The following CHN1 variants were observed in gnomAD, a reference collection of about 807,000 sequenced individuals.
The protein encoded by CHN1 is N-chimaerin.
A neutral mutation model predicts 59.5 loss-of-function variants in CHN1; 37 were observed. The ratio of observed to expected loss-of-function variants is 0.62; its 90% CI spans 0.48 to 0.82. The LOEUF (loss-of-function observed/expected upper bound fraction) is 0.82, where lower values mean the gene tolerates loss of function less well. CHN1 is among the 40% of genes least tolerant of loss of function. The pLI is 0.00. For synonymous variants in CHN1, 206 were observed against 200.4 expected (o/e 1.03, Z -0.24); for missense variants, 469 against 571.0 (o/e 0.82, Z 1.82).
chr2:174,989,448 T>C (rs770727198), intron 1 of CHN1, among the ~76,000 whole-genome samples: 15 of 151,260 alleles, frequency 9.9e-5, no homozygotes, highest in Non-Finnish European at 1.8e-4. Flanking sequence ...TTATGACAGC[T>C]GAAAACACAC....
At chr2:174,868,196 A>C in intron 6 of CHN1, among the ~76,000 whole-genome samples, 1 of 152,200 alleles carries the variant, frequency 6.6e-6, no homozygotes, top group East Asian at 1.9e-4. Flanking sequence ...TTGAAAGTTA[A>C]GAACAGTTTT....
chr2:174,851,038 CTT>C (rs1307114617), intron 6 of CHN1, among the ~76,000 whole-genome samples: 1 of 152,152 alleles, frequency 6.6e-6, no homozygotes, highest in African/African-American at 2.4e-5. Context: ...GAATCCCCAT[CTT>C]TTGTCTTCAA....
intron 8 of CHN1, among the ~76,000 whole-genome samples, chr2:174,816,185 A>G (rs1449164097): frequency 6.6e-6 from 1 of 152,222 alleles, no homozygotes; most frequent in Non-Finnish European, 1.5e-5. Context: ...AGCTCTCCCC[A>G]TAGACTTGGG....
At chr2:174,846,814 T>G in intron 7 of CHN1, 66 bp downstream of exon 7, 1 of 1,356,222 alleles carries the variant, frequency 7.4e-7, no homozygotes, top group Non-Finnish European at 9.9e-7. Context: ...ACATAAGATA[T>G]TCCTTTAATA....
In CHN1 at chr2:174,865,446, A is replaced by G. The variant is rs1160553767; in HGVS notation, c.549+12394T>C. 3.3e-5 allele frequency among the ~76,000 whole-genome samples: 5 copies of G among 152,324 alleles called. No homozygotes were observed. The East Asian group carries it at 9.6e-4, about 29-fold the overall frequency. ...AAAATAGAGGATGCACTATTAAGACAGCCCCCTAGAATATCTTGATAATTC... is the reference window on the plus strand; with the variant it reads ...AAAATAGAGGATGCACTATTAAGACGGCCCCCTAGAATATCTTGATAATTC... On this transcript the variant is annotated intron_variant, in intron 6 of 12. Transcript: ENST00000409900.
At chr2:174,913,232 A>G (rs1688750346) in intron 5 of CHN1, among the ~76,000 whole-genome samples, 1 of 152,202 alleles carries the variant, frequency 6.6e-6, no homozygotes, top group East Asian at 1.9e-4. Flanking sequence ...CTTCCAAGTG[A>G]TCCTGGAGAA....
At chr2:174,999,462 C>A (rs1156977707) in intron 1 of CHN1, among the ~76,000 whole-genome samples, 1 of 152,330 alleles carries the variant, frequency 6.6e-6, no homozygotes, top group African/African-American at 2.4e-5. Flanking sequence ...TACTCTTTGT[C>A]ATGGCTGCTC....
intron 1 of CHN1, among the ~76,000 whole-genome samples, chr2:174,953,112 C>A (rs2105414315): frequency 1.3e-5 from 2 of 150,206 alleles, no homozygotes; most frequent in African/African-American, 2.5e-5. Context: ...TGCTGGAAAC[C>A]AACATGAACC....
chr2:174,974,779 G>C (rs897244947), intron 1 of CHN1, among the ~76,000 whole-genome samples: 1 of 151,948 alleles, frequency 6.6e-6, no homozygotes, highest in African/African-American at 2.4e-5. Flanking sequence ...CCATGAGATT[G>C]GTTTCCTTCA....
At chr2:174,871,634 G>A (rs1305556514) in intron 6 of CHN1, among the ~76,000 whole-genome samples, 1 of 152,094 alleles carries the variant, frequency 6.6e-6, no homozygotes, top group Admixed American at 6.5e-5. Context: ...GTTTTCTGTG[G>A]TCTGCTGGGC....
intron 5 of CHN1, among the ~76,000 whole-genome samples, chr2:174,885,271 T>A (rs2105341137): frequency 6.7e-6 from 1 of 149,580 alleles, no homozygotes; most frequent in Middle Eastern, 3.4e-3. Context: ...CGAGACTCGG[T>A]CTCAAAAAAA....
chr2:174,929,285 T>C (rs1358110857), intron 3 of CHN1, among the ~76,000 whole-genome samples: 1 of 152,152 alleles, frequency 6.6e-6, no homozygotes, highest in African/African-American at 2.4e-5. Flanking sequence ...TACTACTTAA[T>C]AACTTGCGAA....
chr2:174,870,748 T>C (rs921644877), intron 6 of CHN1, among the ~76,000 whole-genome samples: 1 of 152,222 alleles, frequency 6.6e-6, no homozygotes, highest in Non-Finnish European at 1.5e-5. Flanking sequence ...GATTTTGACA[T>C]CAATGATTAT....
rs986217761 is a variant in CHN1, at chr2:174,970,567, G to A, written c.20-18365C>T. Among the ~76,000 whole-genome samples the A allele has an allele frequency of 2.0e-5, 3 of 152,140 alleles. No individual in the cohort carries two copies. The East Asian group carries it at 5.8e-4, about 29-fold the overall frequency. On this transcript the variant is annotated intron_variant, in intron 1 of 12. Transcript: ENST00000409900. ...GTGATATTAAAGAACATGATTCTAA[G>A]ATATATTGCATAATGAAATGTGTTA...
intron 6 of CHN1, 52 bp from the exon 7 acceptor site, chr2:174,847,009 T>C (rs1245662574): frequency 1.3e-6 from 2 of 1,551,696 alleles, no homozygotes; most frequent in Admixed American, 2.0e-5. Context: ...CAGACGACTT[T>C]GGAGAACCCA....
chr2:174,988,421 G>C (rs963761082), intron 1 of CHN1, among the ~76,000 whole-genome samples: 6 of 151,396 alleles, frequency 4.0e-5, no homozygotes, highest in African/African-American at 1.2e-4. Context: ...CCAAGTCTAA[G>C]TTGGCGTAAG....
intron 5 of CHN1, among the ~76,000 whole-genome samples, chr2:174,895,767 C>A (rs1688200555): frequency 6.6e-6 from 1 of 152,082 alleles, no homozygotes; most frequent in South Asian, 2.1e-4. Context: ...TCTGAAATCT[C>A]AATCCCTTCA....
chr2:174,987,548 C>T (rs894837927), intron 1 of CHN1, among the ~76,000 whole-genome samples: 1 of 151,930 alleles, frequency 6.6e-6, no homozygotes, highest in African/African-American at 2.4e-5. Context: ...GCTGGGATAA[C>T]AAGCGCCTAC....
chr2:174,847,313 C>T (rs938133559), intron 6 of CHN1: 3 of 1,320,030 alleles, frequency 2.3e-6, no homozygotes, highest in Non-Finnish European at 1.9e-6. Flanking sequence ...GTCGACTAAC[C>T]AGCAAATTCT....
Sources: allele counts gnomAD v4.1 joint callset (sites outside exome capture counted in the v4.1 genomes callset), GRCh38; gene constraint gnomAD v4.1.1; transcripts MANE v1.5; gene names NCBI Gene and HGNC (gene_info 2026-07-23, HGNC 2026-07-21).